The following IL1RN variants were observed in gnomAD, a reference collection of about 807,000 sequenced individuals.
IL1RN encodes the protein interleukin 1 receptor antagonist.
IL1RN carries 10 observed loss-of-function variants against 13.7 expected under a neutral mutation model. That is an observed-to-expected ratio of 0.73 (90% confidence interval 0.45 to 1.24). The LOEUF (loss-of-function observed/expected upper bound fraction) is 1.24. Ranked by LOEUF, IL1RN falls within the 50% of genes most tolerant of loss-of-function variation. The pLI, the probability that IL1RN is intolerant of heterozygous loss-of-function variation, is 0.00. For synonymous variants in IL1RN, 102 were observed against 82.7 expected (o/e 1.23, Z -1.27); for missense variants, 213 against 222.1 (o/e 0.96, Z 0.26).
At chr2:113,108,313 G>T (rs896119539), upstream of IL1RN, among the ~76,000 whole-genome samples, 1 of 151,818 alleles carries the variant, frequency 6.6e-6, no homozygotes, top group African/African-American at 2.4e-5. Flanking sequence ...ACAACGTGCA[G>T]GTTTGTTACA....
Position 113,131,142 on chromosome 2 carries a change from C to G in IL1RN, c.303C>G (p.Thr101=). 6.2e-7 allele frequency: 1 copy of G among 1,606,506 alleles called. No homozygotes were observed. The highest frequency in any genetic ancestry group is 8.5e-7 in the Non-Finnish European group (1 of 1,173,080). Residue 101 remains threonine (T), a synonymous_variant, in exon 3 of 4, where the codon ACC becomes ACG. Coordinates refer to ENST00000409930, the MANE Select transcript of IL1RN (RefSeq NM_173842.3). ...CLSCVKSGDE[T]RLQLEAVNIT... Reference sequence around the variant, plus strand: ...CCTGTGTCAAGTCTGGTGATGAGACCAGACTCCAGCTGGAGGTAAAAACAT... The same window carrying G: ...CCTGTGTCAAGTCTGGTGATGAGACGAGACTCCAGCTGGAGGTAAAAACAT...
chr2:113,118,212 G>T (rs995823866), intron 1 of IL1RN, among the ~76,000 whole-genome samples: 2 of 152,238 alleles, frequency 1.3e-5, no homozygotes, highest in Non-Finnish European at 2.9e-5. Context: ...GACCATGCAG[G>T]CACTCTGAGG....
At chr2:113,112,295 G>T (rs1469745113) in intron 1 of IL1RN, among the ~76,000 whole-genome samples, 3 of 152,186 alleles carry the variant, frequency 2.0e-5, no homozygotes, top group Non-Finnish European at 2.9e-5. Flanking sequence ...GGCTAGAGTT[G>T]TTTTTCTGGG....
the IL1RN span, among the ~76,000 whole-genome samples, chr2:113,100,312 C>G: frequency 2.1e-5 from 3 of 143,018 alleles, no homozygotes; most frequent in Non-Finnish European, 4.5e-5. Flanking sequence ...GGCGACAGAG[C>G]GAGACTCCGT....
intron 1 of IL1RN, 150 bp downstream of exon 1, chr2:113,127,890 C>T (rs894745435): frequency 4.0e-6 from 3 of 754,416 alleles, no homozygotes; most frequent in African/African-American, 3.5e-5. Context: ...GAGGCTGTTA[C>T]ATGCATGGGC....
chr2:113,120,205 G>C, intron 2 of IL1RN: 2 of 1,002,252 alleles, frequency 2.0e-6, no homozygotes, highest in Non-Finnish European at 1.6e-6. Flanking sequence ...TTATGTAGTT[G>C]AAGGAAATTA....
At chr2:113,104,421 G>A (rs1686358781), upstream of IL1RN, among the ~76,000 whole-genome samples, 1 of 152,040 alleles carries the variant, frequency 6.6e-6, no homozygotes, top group African/African-American at 2.4e-5. Context: ...ATGAAAGGCT[G>A]GGTAGTGGGT....
chr2:113,100,411 C>T, the IL1RN span, among the ~76,000 whole-genome samples: 2 of 151,962 alleles, frequency 1.3e-5, no homozygotes, highest in Non-Finnish European at 2.9e-5. Flanking sequence ...CTAGCTGAGC[C>T]TTGTGCTAGT....
chr2:113,119,379 T>C (rs1686691483), intron 1 of IL1RN, among the ~76,000 whole-genome samples: 2 of 152,210 alleles, frequency 1.3e-5, no homozygotes, highest in Admixed American at 6.5e-5. Context: ...GCCAGACAGC[T>C]AGTATAAGAG....
upstream of IL1RN, among the ~76,000 whole-genome samples, chr2:113,124,893 C>T (rs1165456679): frequency 6.6e-6 from 1 of 152,144 alleles, no homozygotes; most frequent in Non-Finnish European, 1.5e-5. Flanking sequence ...GGAAATGACA[C>T]AGAGCAGGGA....
At chr2:113,132,619 G>T in intron 3 of IL1RN, 37 bp from the exon 4 acceptor site, 1 of 1,582,510 alleles carries the variant, frequency 6.3e-7, no homozygotes, top group Non-Finnish European at 8.7e-7. Context: ...GGACTTCCTA[G>T]GCCTCAGCTC....
intron 3 of IL1RN, 110 bp downstream of exon 3, chr2:113,131,267 T>C: frequency 1.3e-6 from 1 of 743,022 alleles, no homozygotes; most frequent in Non-Finnish European, 2.5e-6. Context: ...GGTAGTTCTG[T>C]TCCATGTGGT....
chr2:113,124,895 G>C (rs1443591539), upstream of IL1RN, among the ~76,000 whole-genome samples: 13 of 152,178 alleles, frequency 8.5e-5, no homozygotes, highest in Admixed American at 8.5e-4. Flanking sequence ...AAATGACACA[G>C]AGCAGGGAGG....
upstream of IL1RN, chr2:113,111,054 C>T (rs1448480869): frequency 6.6e-6 from 1 of 152,220 alleles, no homozygotes; most frequent in Admixed American, 6.5e-5. Flanking sequence ...CCTACACTGC[C>T]ATCTGTTTGA....
intron 1 of IL1RN, among the ~76,000 whole-genome samples, chr2:113,112,081 T>C (rs1232461962): frequency 1.3e-5 from 2 of 152,324 alleles, no homozygotes; most frequent in East Asian, 3.9e-4. Context: ...CCCGTTCCTG[T>C]TACTGAGCAC....
At chr2:113,099,767 C>G in the IL1RN span, among the ~76,000 whole-genome samples, 9 of 94,562 alleles carry the variant, frequency 9.5e-5, no homozygotes, top group African/African-American at 3.6e-4. Context: ...CGGAGTCTCG[C>G]TCTGTCGCCC....
chr2:113,115,408 G>C (rs1263587664), upstream of IL1RN: 2 of 152,108 alleles, frequency 1.3e-5, no homozygotes, highest in African/African-American at 2.4e-5. Flanking sequence ...CAAGGGAGGG[G>C]TTCTAATAAC....
upstream of IL1RN, among the ~76,000 whole-genome samples, chr2:113,124,070 G>C (rs1181312526): frequency 6.6e-6 from 1 of 152,084 alleles, no homozygotes; most frequent in Non-Finnish European, 1.5e-5. Flanking sequence ...ACCCCTTTAC[G>C]TGGGGCTTAG....
At chr2:113,099,543 G>A in the IL1RN span, among the ~76,000 whole-genome samples, 1 of 152,126 alleles carries the variant, frequency 6.6e-6, no homozygotes, top group African/African-American at 2.4e-5. Context: ...GCCTGCAGTG[G>A]CAATCCGCCT....
Sources: allele counts gnomAD v4.1 joint callset (sites outside exome capture counted in the v4.1 genomes callset), GRCh38; gene constraint gnomAD v4.1.1; transcripts MANE v1.5; gene names NCBI Gene and HGNC (gene_info 2026-07-23, HGNC 2026-07-21).